The following NEB variants were observed in gnomAD, a reference collection of about 807,000 sequenced individuals.
NEB encodes the protein nemaline myopathy type 2.
Under a neutral mutation model 952.2 loss-of-function variants are expected in NEB, and 512 were observed. The ratio of observed to expected loss-of-function variants is 0.54; its 90% confidence interval spans 0.50 to 0.58. The LOEUF is 0.58. Among genes scored for constraint, NEB ranks in the 20% least tolerant of loss-of-function variants. The pLI is 0.00. For missense variants in NEB, 8,428 were observed against 9,231.1 expected, an observed-to-expected ratio of 0.91 and a Z score of 3.56; for synonymous variants, 2,900 against 3,149.8, an observed-to-expected ratio of 0.92 and a Z score of 2.66.
chr2:151,569,666 C>T (rs1423589968), intron 109 of NEB, among the ~76,000 whole-genome samples: 2 of 152,116 alleles, frequency 1.3e-5, no homozygotes, highest in Non-Finnish European at 2.9e-5. Context: ...GGAAATCCGA[C>T]ATTTGTACAC....
At chr2:151,611,412 T>C (rs2097954365) in intron 78 of NEB, among the ~76,000 whole-genome samples, 1 of 152,238 alleles carries the variant, frequency 6.6e-6, no homozygotes, top group Non-Finnish European at 1.5e-5. Context: ...ATTGCTGTTA[T>C]CATTGTGGTT....
chr2:151,661,876 T>C lies in NEB; in HGVS notation c.5970+259A>G, dbSNP rs75506805. The stretch of plus-strand genomic sequence containing the variant: ...CACCTTAGACAAACAGGACTCATTT[T>C]CAAGAGGTGCAGTAAAAGAAAAAGT... On this transcript the variant is annotated intron_variant, in intron 46 of 181. Transcript: ENST00000397345. 3.1e-4 allele frequency among the ~76,000 whole-genome samples: 47 copies of C among 152,318 alleles called. No homozygotes were observed. In the East Asian group the frequency reaches 4.6e-3, roughly 15 times the overall value.
intron 153 of NEB, among the ~76,000 whole-genome samples, chr2:151,523,991 C>T (rs569227724): frequency 7.6e-4 from 115 of 152,222 alleles, no homozygotes; most frequent in African/African-American, 2.5e-3. Flanking sequence ...AATCAGACCC[C>T]GAGGATGAAA....
intron 13 of NEB, among the ~76,000 whole-genome samples, chr2:151,705,391 T>A (rs2099701384): frequency 6.6e-6 from 1 of 152,218 alleles, no homozygotes; most frequent in African/African-American, 2.4e-5. Flanking sequence ...CAAAGGAGAT[T>A]TGAACTTGGG....
At chr2:151,699,788 G>T (rs1189653863) in intron 13 of NEB, among the ~76,000 whole-genome samples, 1 of 147,058 alleles carries the variant, frequency 6.8e-6, no homozygotes, top group South Asian at 2.2e-4. Context: ...AGTAGGTTGC[G>T]AAAATTTTCT....
At chr2:151,660,134 A>G (rs1236912868) in intron 46 of NEB, among the ~76,000 whole-genome samples, 1 of 152,190 alleles carries the variant, frequency 6.6e-6, no homozygotes, top group Non-Finnish European at 1.5e-5. Flanking sequence ...GTGGGGGTAC[A>G]AAGATCTAGC....
chr2:151,503,245 A>G, intron 166 of NEB, 104 bp downstream of exon 166: 1 of 826,116 alleles, frequency 1.2e-6, no homozygotes. Context: ...ACACACAGAC[A>G]CACACAGAAT....
intron 11 of NEB, 52 bp from the exon 12 acceptor site, chr2:151,709,815 G>A: frequency 7.5e-7 from 1 of 1,338,640 alleles, no homozygotes; most frequent in Non-Finnish European, 1.0e-6. Flanking sequence ...AACTATGCAA[G>A]AATTTCCATG....
Position 151,663,633 on chromosome 2 carries a change from T to C in NEB, c.5678A>G (p.Tyr1893Cys), listed in dbSNP as rs1330293861. The C allele has an allele frequency of 2.5e-6, 4 of 1,613,802 alleles. No homozygotes were observed. Among genetic ancestry groups the C allele is most frequent in the South Asian group, 1.1e-5 (1 of 91,086 alleles). ...KSQEVATNAN[Y>C]RNVIHTYNML... ...GTTGTAGGTATGGATCACGTTCCTG[T>C]AGTTGGCATTGGTGGCCACTTCCTG... The change falls in exon 45 of 182, where the codon TAC becomes TGC. Residue 1893 changes from tyrosine (Y) to cysteine (C), a missense_variant. Physicochemically the swap from Tyr to Cys is radical, Grantham distance 194. Coordinates refer to ENST00000397345, the MANE Select transcript of NEB (RefSeq NM_001164508.2).
At chr2:151,551,349 G>A (rs936156206) in intron 129 of NEB, among the ~76,000 whole-genome samples, 1 of 152,156 alleles carries the variant, frequency 6.6e-6, no homozygotes, top group Admixed American at 6.5e-5. Context: ...ACATAGAATA[G>A]GTAGGTTAAA....
rs758971689 is a variant in NEB at position 151,527,529 on chromosome 2, G to A, written c.21792C>T (p.Asp7264=). The part of the protein sequence containing the change: ...ANKAHWKWTP[D]RPDFLQAAKS... ...TGGCAGCCTGGAGGAAGTCCGGTCG[G>A]TCAGGAGTCCACTTCCAGTGGGCTT... The change falls in exon 147 of 182, where the codon GAC becomes GAT. Residue 7264 remains aspartate, a synonymous_variant. Transcript: ENST00000397345. 2 of 1,613,502 alleles carry A rather than the reference G, an allele frequency of 1.2e-6. No homozygotes were observed. Among genetic ancestry groups the A allele is most frequent in the Non-Finnish European group, 1.7e-6 (2 of 1,179,684 alleles).
rs377374622 is a variant in NEB at position 151,621,071 on chromosome 2, C to G, written c.10453-45G>C. ...CTTTTAAATATAGAATTCACATTCA[C>G]TCGAAAAGTATATTTTCTGCCAAAG... On this transcript the variant is annotated intron_variant, in intron 71 of 181. Transcript: ENST00000397345. 724 of 1,463,884 alleles carry G rather than the reference C, an allele frequency of 4.9e-4. 4 individuals are homozygous for G. In the South Asian group the frequency reaches 8.2e-3, roughly 17 times the overall value. The allele number at this position is 1,463,884 out of a possible 1,614,324, so 90.7% of individuals were successfully genotyped here. A position where few individuals can be genotyped will look rare whatever the true frequency, so the allele number is the denominator to read the frequency against.
At chr2:151,680,958 A>C (rs2099409887) in intron 29 of NEB, 130 bp from the exon 30 acceptor site, 3 of 748,402 alleles carry the variant, frequency 4.0e-6, no homozygotes, top group Non-Finnish European at 7.0e-6. Context: ...AAAACACTAG[A>C]TTCTTGATTG....
At chr2:151,640,778 TTA>T (rs1262736297) in intron 60 of NEB, 112 bp from the exon 61 acceptor site, 1 of 984,074 alleles carries the variant, frequency 1.0e-6, no homozygotes, top group Non-Finnish European at 1.5e-6. Context: ...AATATGTAAA[TTA>T]TATGATAGAT....
At chr2:151,640,776 AATT>A in intron 60 of NEB, 110 bp from the exon 61 acceptor site, 1 of 1,008,762 alleles carries the variant, frequency 9.9e-7, no homozygotes, top group African/African-American at 1.6e-5. Flanking sequence ...TGAATATGTA[AATT>A]ATATGATAGA....
In NEB at chr2:151,725,542, A is replaced by C; in HGVS notation, c.313T>G (p.Phe105Val). 6.2e-7 allele frequency: 1 copy of C among 1,613,296 alleles called. No individual in the cohort carries two copies. Among genetic ancestry groups the C allele is most frequent in the Middle Eastern group, 1.7e-4 (1 of 6,056 alleles). Reference protein sequence around the residue: ...LFSPNKYKEKFEKTKGQPYAS... With the variant: ...LFSPNKYKEKVEKTKGQPYAS... Reference sequence around the variant, plus strand: ...TATGGCTGTCCTTTTGTTTTCTCAAACTTCTCCTTGTATTTATTCTGAAAA... The same window carrying C: ...TATGGCTGTCCTTTTGTTTTCTCAACCTTCTCCTTGTATTTATTCTGAAAA... The change falls in exon 6 of 182, where the codon TTT (phenylalanine) becomes GTT (valine). Residue 105 changes from phenylalanine (F) to valine (V), a missense_variant. Physicochemically the swap from Phe to Val is conservative, Grantham distance 50. Coordinates refer to ENST00000397345, the MANE Select transcript of NEB (RefSeq NM_001164508.2).
chr2:151,633,914 G>C lies in NEB; in HGVS notation c.9154C>G (p.Arg3052Gly), dbSNP rs375216659. 2.5e-6 allele frequency: 4 copies of C among 1,613,886 alleles called. No individual in the cohort carries two copies. The highest frequency in any genetic ancestry group is 3.4e-6 in the Non-Finnish European group (4 of 1,179,866). Residue 3052 changes from arginine to glycine, a missense_variant, in exon 65 of 182, where the codon CGG (arginine) becomes GGG (glycine). Physicochemically the swap from Arg to Gly is moderately radical, Grantham distance 125 (BLOSUM62 -2). Transcript: ENST00000397345. ...ATCTTGGGGTCATCTTCAATGTTCC[G>C]GGCTCCAATATGGTGGCCAAGTTGC... ...CKQLGHHIGARNIEDDPKMMW... is the reference protein window; with the variant it reads ...CKQLGHHIGAGNIEDDPKMMW...
intron 113 of NEB, among the ~76,000 whole-genome samples, chr2:151,567,702 T>TA (rs1383364455): frequency 6.6e-6 from 1 of 151,928 alleles, no homozygotes; most frequent in Non-Finnish European, 1.5e-5. Flanking sequence ...CTAAAAATGA[T>TA]AAAAATAAAA....
rs777878770 is a variant in NEB, at chr2:151,663,641, A to G, written c.5670T>C (p.Asn1890=). 1.2e-6 allele frequency: 2 copies of G among 1,613,720 alleles called. No individual in the cohort carries two copies. The highest frequency in any genetic ancestry group is 1.7e-6 in the Non-Finnish European group (2 of 1,179,786). Residue 1890 remains asparagine, a synonymous_variant, in exon 45 of 182, where the codon AAT becomes AAC. Transcript: ENST00000397345. Reference sequence around the variant, plus strand: ...TATGGATCACGTTCCTGTAGTTGGCATTGGTGGCCACTTCCTGAGACTTCT... The same window carrying G: ...TATGGATCACGTTCCTGTAGTTGGCGTTGGTGGCCACTTCCTGAGACTTCT... The part of the protein sequence containing the change: ...AAKKSQEVAT[N]ANYRNVIHTY...
Sources: gnomAD v4.1 joint callset for allele counts (sites outside exome capture counted in the v4.1 genomes callset) on GRCh38, gnomAD v4.1.1 for gene constraint, MANE v1.5 for transcripts, NCBI Gene and HGNC (gene_info 2026-07-23, HGNC 2026-07-21) for gene names.